TREH: variants seen among roughly 807,000 people sequenced by gnomAD.
TREH encodes alpha,alpha-trehalose glucohydrolase.
Under a neutral mutation model 80.5 loss-of-function variants are expected in TREH, and 69 were observed. The observed-to-expected ratio is 0.86, with a 90% CI of 0.71 to 1.05. TREH has a LOEUF of 1.05. TREH is among the 50% of genes least tolerant of loss of function. The pLI, the probability that TREH is intolerant of heterozygous loss-of-function variation, is 0.00. For synonymous variants in TREH, 309 were observed against 293.5 expected (o/e 1.05, Z -0.54); for missense variants, 716 against 718.8 (o/e 1.00, Z 0.04).
intron 1 of TREH, among the ~76,000 whole-genome samples, chr11:118,666,693 A>G (rs1949381025): frequency 6.6e-6 from 1 of 152,168 alleles, no homozygotes; most frequent in South Asian, 2.1e-4. Flanking sequence ...CTCATGGCAG[A>G]CTAATCACTG....
In TREH at chr11:118,662,951, T is replaced by C; in HGVS notation, c.353A>G (p.Lys118Arg). 2 of 1,612,558 alleles carry C rather than the reference T, an allele frequency of 1.2e-6. No homozygotes were observed. The highest frequency in any genetic ancestry group is 2.2e-5 in the South Asian group (2 of 90,762). Reference sequence around the variant, plus strand: ...GGCACGCAGTTTGGCATCTGAAATCTTCTGCAGGAACTGGGGGCTGAAAGA... The same window carrying C: ...GGCACGCAGTTTGGCATCTGAAATCCTCTGCAGGAACTGGGGGCTGAAAGA... ...DWKDSPQFLQ[K>R]ISDAKLRAWA... Residue 118 changes from lysine (K) to arginine (R), a missense_variant, in exon 4 of 15, where the codon AAG (lysine) becomes AGG (arginine). Coordinates refer to ENST00000264029, the MANE Select transcript of TREH (RefSeq NM_007180.3).
At chr11:118,668,924 G>A (rs1029048930) in intron 1 of TREH, among the ~76,000 whole-genome samples, 6 of 151,862 alleles carry the variant, frequency 4.0e-5, no homozygotes, top group Non-Finnish European at 8.8e-5. Context: ...ACTCCATCTC[G>A]GAATGAATAA....
At chr11:118,662,014 G>A (rs1346898849) in intron 4 of TREH, 24 bp from the exon 5 acceptor site, 1 of 1,535,836 alleles carries the variant, frequency 6.5e-7, no homozygotes, top group Admixed American at 2.0e-5. Context: ...AGAGGGCAAG[G>A]GGAGCCTAGA....
At chr11:118,659,067 C>T (rs1565523349) in intron 12 of TREH, 50 bp from the exon 13 acceptor site, 2 of 1,564,072 alleles carry the variant, frequency 1.3e-6, no homozygotes, top group African/African-American at 1.4e-5. Context: ...CCATCCCAGA[C>T]AGAGCAGTGG....
At position 118,661,739 on chromosome 11, in the gene TREH, G is replaced by A. The variant is rs369866360; in HGVS notation, c.525-10C>T. On this transcript the variant is annotated splice_polypyrimidine_tract_variant and intron_variant, in intron 5 of 14. Coordinates refer to ENST00000264029, the MANE Select transcript of TREH (RefSeq NM_007180.3). This position sits in a 1 kb window ranked among gnomAD's most constrained non-coding sequence, Gnocchi z 4.2. Reference sequence around the variant, plus strand: ...GACCCAGTAGGAGTCCCTGGGGAAGGGGCAGCTTAGGCACCACCCTGCTGC... The same window carrying A: ...GACCCAGTAGGAGTCCCTGGGGAAGAGGCAGCTTAGGCACCACCCTGCTGC... The A allele has an allele frequency of 3.7e-6, 6 of 1,613,522 alleles. No homozygotes were observed. Among genetic ancestry groups the A allele is most frequent in the African/African-American group, 1.3e-5 (1 of 74,912 alleles).
At position 118,658,160 on chromosome 11, in the gene TREH, A is replaced by C; in HGVS notation, c.*129T>G. 1 of 1,331,704 alleles carries C rather than the reference A, an allele frequency of 7.5e-7. No homozygotes were observed. The highest frequency in any genetic ancestry group is 1.0e-6 in the Non-Finnish European group (1 of 980,592). The allele number at this position is 1,331,704 out of a possible 1,614,324, so 82.5% of individuals were successfully genotyped here. On this transcript the variant is annotated 3_prime_UTR_variant, in exon 15 of 15. Transcript: ENST00000264029. ...CCCTACCCATGACCTCCAGGTCGTGACCCTGCCCTCCACTTCGCTCTGAGG... is the reference window on the plus strand; with the variant it reads ...CCCTACCCATGACCTCCAGGTCGTGCCCCTGCCCTCCACTTCGCTCTGAGG...
At chr11:118,676,248 A>G (rs1555146810) in intron 1 of TREH, among the ~76,000 whole-genome samples, 1 of 152,230 alleles carries the variant, frequency 6.6e-6, no homozygotes. Context: ...GGGACCCACC[A>G]TAAGTCACCT....
chr11:118,672,815 G>A (rs1434762310), intron 1 of TREH, among the ~76,000 whole-genome samples: 1 of 151,790 alleles, frequency 6.6e-6, no homozygotes, highest in East Asian at 1.9e-4. Flanking sequence ...CACTAGAACT[G>A]TGGTGTGTAA....
chr11:118,671,391 GC>G lies in TREH; in HGVS notation c.90-7953del, dbSNP rs562477970. Among the ~76,000 whole-genome samples the G allele has an allele frequency of 1.1e-3, 164 of 152,128 alleles. 1 individual carries two copies. Among genetic ancestry groups the G allele is most frequent in the Admixed American group, 7.8e-3 (119 of 15,262 alleles). On this transcript the variant is annotated intron_variant, in intron 1 of 14. Coordinates refer to ENST00000264029, the MANE Select transcript of TREH (RefSeq NM_007180.3). ...ACCCTAGAGCTGAAAAATGCAATTG[GC>G]ATACTGAAGAATGCATCGGAGTCCT...
chr11:118,668,301 A>T (rs1445770084), intron 1 of TREH, among the ~76,000 whole-genome samples: 3 of 152,156 alleles, frequency 2.0e-5, no homozygotes, highest in African/African-American at 4.8e-5. Flanking sequence ...TCAAAAAAAA[A>T]AAATAAAACT....
intron 1 of TREH, among the ~76,000 whole-genome samples, chr11:118,678,003 C>T (rs1369213631): frequency 6.6e-6 from 1 of 152,164 alleles, no homozygotes; most frequent in Non-Finnish European, 1.5e-5. Flanking sequence ...CTGTAACACA[C>T]ACCCTCTATT....
At chr11:118,663,462 A>G (rs782297131) in intron 1 of TREH, 23 bp from the exon 2 acceptor site, 11 of 1,548,552 alleles carry the variant, frequency 7.1e-6, no homozygotes, top group Non-Finnish European at 9.6e-6. Flanking sequence ...GGATAGGAGC[A>G]GGTCAGGTCA....
At position 118,665,261 on chromosome 11, in the gene TREH, A is replaced by G. The variant is rs574583445; in HGVS notation, c.90-1822T>C. Reference sequence around the variant, plus strand: ...ATATGATTTGTTCCCACATCATCTCAACTACTTTTTTCCTACCCAATACAG... The same window carrying G: ...ATATGATTTGTTCCCACATCATCTCGACTACTTTTTTCCTACCCAATACAG... On this transcript the variant is annotated intron_variant, in intron 1 of 14. Coordinates refer to ENST00000264029, the MANE Select transcript of TREH (RefSeq NM_007180.3). Among the ~76,000 whole-genome samples the G allele has an allele frequency of 9.0e-4, 137 of 152,222 alleles. 1 individual carries two copies. The highest frequency in any genetic ancestry group is 2.7e-3 in the South Asian group (13 of 4,818).
Position 118,661,936 on chromosome 11 carries a change from G to A in TREH, c.478C>T (p.His160Tyr). Residue 160 changes from histidine (H) to tyrosine (Y), a missense_variant, in exon 5 of 15, where the codon CAT becomes TAT. Physicochemically the swap from His to Tyr is moderately conservative, Grantham distance 83 (BLOSUM62 2). Coordinates refer to ENST00000264029, the MANE Select transcript of TREH (RefSeq NM_007180.3). This position sits in a 1 kb window ranked among gnomAD's most constrained non-coding sequence, Gnocchi z 4.2. ...PERFSLIYSE[H>Y]PFIVPGGRFV... ...CGACCGCCAGGCACAATGAAGGGAT[G>A]TTCTGAGTAGATGAGAGAGAACCGC... 1 of 1,555,890 alleles carries A rather than the reference G, an allele frequency of 6.4e-7. No homozygotes were observed. Among genetic ancestry groups the A allele is most frequent in the Non-Finnish European group, 8.7e-7 (1 of 1,149,508 alleles).
At chr11:118,660,777 T>C (rs1555144776) in intron 9 of TREH, 44 bp from the exon 10 acceptor site, 1 of 1,547,954 alleles carries the variant, frequency 6.5e-7, no homozygotes, top group African/African-American at 1.4e-5. Context: ...GGCTGCAGGA[T>C]AGGCAGCCAT....
Position 118,658,076 on chromosome 11 carries a change from A to C in TREH, c.*213T>G. 1 of 628,982 alleles carries C rather than the reference A, an allele frequency of 1.6e-6. No individual in the cohort carries two copies. Among genetic ancestry groups the C allele is most frequent in the South Asian group, 2.3e-5 (1 of 42,738 alleles). The allele number at this position is 628,982 out of a possible 1,614,324, so 39.0% of individuals were successfully genotyped here. On this transcript the variant is annotated 3_prime_UTR_variant, in exon 15 of 15. Transcript: ENST00000264029. ...GCTTGGCGCTGAGGCACTTGGGGAT[A>C]GGTCTTCCCTCCAGAGCAGGATTTC... is the stretch of plus-strand genomic sequence containing the variant.
intron 13 of TREH, 23 bp downstream of exon 13, chr11:118,658,881 CA>C (rs782673131): frequency 1.2e-6 from 2 of 1,612,906 alleles, no homozygotes; most frequent in East Asian, 4.5e-5. Flanking sequence ...CCTGGGGGTG[CA>C]GGGAGGGCTT....
intron 1 of TREH, among the ~76,000 whole-genome samples, chr11:118,667,952 C>T (rs1363312959): frequency 6.6e-6 from 1 of 152,060 alleles, no homozygotes; most frequent in Non-Finnish European, 1.5e-5. Context: ...GCAACCTCCA[C>T]CTCCCTGGTT....
chr11:118,660,672 A>G lies in TREH; in HGVS notation c.969T>C (p.Ser323=). 1 of 1,604,444 alleles carries G rather than the reference A, an allele frequency of 6.2e-7. No homozygotes were observed. The highest frequency in any genetic ancestry group is 8.5e-7 in the Non-Finnish European group (1 of 1,175,490). Residue 323 remains serine (S), a synonymous_variant, in exon 10 of 15, where the codon TCT becomes TCC. Transcript: ENST00000264029. ...TTGGGCCTCCAATGAGCCAGCGTGAAGAGAAGTCCCAGCCAGACTCAGCCC... is the reference window on the plus strand; with the variant it reads ...TTGGGCCTCCAATGAGCCAGCGTGAGGAGAAGTCCCAGCCAGACTCAGCCC... ...KAGAESGWDF[S]SRWLIGGPNP...
Sources: gnomAD v4.1 joint callset for allele counts (sites outside exome capture counted in the v4.1 genomes callset) on GRCh38, gnomAD v4.1.1 for gene constraint, Gnocchi (gnomAD v3.1) non-coding constraint, MANE v1.5 for transcripts, NCBI Gene and HGNC (gene_info 2026-07-23, HGNC 2026-07-21) for gene names.